Variants in TNS3 observed in about 807,000 individuals in gnomAD.
TNS3 encodes tensin 3.
In TNS3, 45 loss-of-function variants were observed where a neutral mutation model predicts 140.9. The observed-to-expected ratio is 0.32, with a 90% confidence interval of 0.25 to 0.41. TNS3 has a LOEUF of 0.41. Ranked by LOEUF, TNS3 falls within the 10% of genes least tolerant of loss-of-function variation. The probability of loss-of-function intolerance (pLI) is 1.00; values close to 1 mark genes in which losing one functional copy is unlikely to be tolerated. For missense variants in TNS3, 1,716 were observed against 1,906.7 expected (o/e 0.90, Z 1.86); for synonymous variants, 815 against 788.4 (o/e 1.03, Z -0.56).
chr7:47,527,953 G>A (rs1410830094), intron 2 of TNS3, among the ~76,000 whole-genome samples: 1 of 151,880 alleles, frequency 6.6e-6, no homozygotes, highest in Admixed American at 6.6e-5. Flanking sequence ...CCTATCAGTT[G>A]GCTCAGAGTA....
intron 10 of TNS3, among the ~76,000 whole-genome samples, chr7:47,417,859 T>A (rs570892996): frequency 6.6e-6 from 1 of 152,298 alleles, no homozygotes; most frequent in Non-Finnish European, 1.5e-5. Flanking sequence ...ACAACAAAGT[T>A]CACTGCAACT....
rs537280884 is a variant in TNS3 at position 47,399,500 on chromosome 7, T to C, written c.919+893A>G. On this transcript the variant is annotated intron_variant, in intron 15 of 30. Coordinates refer to ENST00000311160, the MANE Select transcript of TNS3 (RefSeq NM_022748.12). ...AGACACACAGATCAATGGAACAGAA[T>C]AGAGAATCCAGAAATACAACTGACT... Among the ~76,000 whole-genome samples, 4 of 152,268 alleles carry C rather than the reference T, an allele frequency of 2.6e-5. No individual in the cohort carries two copies. The South Asian group carries it at 8.3e-4, about 32-fold the overall frequency.
chr7:47,472,671 T>C (rs1368467367), intron 4 of TNS3, among the ~76,000 whole-genome samples: 3 of 152,176 alleles, frequency 2.0e-5, no homozygotes, highest in African/African-American at 4.8e-5. Context: ...AGGTGAGCCA[T>C]GGGAACAGGA....
At chr7:47,557,194 C>T (rs963393738) in intron 1 of TNS3, 8 of 453,818 alleles carry the variant, frequency 1.8e-5, no homozygotes, top group African/African-American at 8.0e-5. Context: ...ACCAACAGTG[C>T]GTCTGGGAAA....
chr7:47,413,321 G>A (rs567620631), intron 12 of TNS3, among the ~76,000 whole-genome samples: 16 of 137,014 alleles, frequency 1.2e-4, no homozygotes, highest in Admixed American at 2.4e-4. Flanking sequence ...GTGTGATCTC[G>A]GCTCACTGCA....
chr7:47,476,545 T>TA (rs972962494), intron 4 of TNS3, among the ~76,000 whole-genome samples: 2 of 152,182 alleles, frequency 1.3e-5, no homozygotes, highest in African/African-American at 4.8e-5. Flanking sequence ...ATTGTCCCTT[T>TA]ATAGTTCTAA....
chr7:47,305,180 C>G (rs1025857966), intron 20 of TNS3, among the ~76,000 whole-genome samples, 177 bp from the exon 21 acceptor site: 2 of 152,234 alleles, frequency 1.3e-5, no homozygotes, highest in Non-Finnish European at 2.9e-5. Flanking sequence ...GCGGCCAGCC[C>G]TGCACCCACA....
At chr7:47,294,506 T>C (rs886375652) in intron 24 of TNS3, among the ~76,000 whole-genome samples, 3 of 152,218 alleles carry the variant, frequency 2.0e-5, no homozygotes, top group African/African-American at 7.2e-5. Flanking sequence ...GTCACTGCCC[T>C]ATGCTAATGA....
At chr7:47,492,087 G>A (rs988107944) in intron 3 of TNS3, among the ~76,000 whole-genome samples, 1 of 152,224 alleles carries the variant, frequency 6.6e-6, no homozygotes, top group Admixed American at 6.5e-5. Flanking sequence ...CCTACTGAGT[G>A]GGGACCTTAA....
intron 1 of TNS3, among the ~76,000 whole-genome samples, chr7:47,547,207 C>T (rs1359916872): frequency 2.6e-5 from 4 of 151,978 alleles, no homozygotes; most frequent in Admixed American, 2.6e-4. Context: ...TGGGCCTTGA[C>T]CAAAACAGGT....
chr7:47,560,052 T>G (rs1800292346), intron 1 of TNS3, among the ~76,000 whole-genome samples: 1 of 152,070 alleles, frequency 6.6e-6, no homozygotes, highest in Non-Finnish European at 1.5e-5. Flanking sequence ...GGGTCTCCCT[T>G]TGCAGCCCAC....
chr7:47,483,975 C>A (rs1164387673), intron 3 of TNS3, among the ~76,000 whole-genome samples: 1 of 152,240 alleles, frequency 6.6e-6, no homozygotes, highest in Non-Finnish European at 1.5e-5. Flanking sequence ...ATAGAAACTG[C>A]ATAAAATGAA....
At chr7:47,289,310 A>T (rs7790819) in intron 27 of TNS3, among the ~76,000 whole-genome samples, 57,476 of 152,072 alleles carry the variant, frequency 0.38, 11,384 homozygotes, top group Non-Finnish European at 0.44. Flanking sequence ...TCCCTCCCCA[A>T]CATTTCTGAC....
intron 6 of TNS3, among the ~76,000 whole-genome samples, chr7:47,439,063 C>G (rs1305343322): frequency 6.6e-6 from 1 of 152,208 alleles, no homozygotes; most frequent in Non-Finnish European, 1.5e-5. Flanking sequence ...CTCCTTGTCT[C>G]CAGGGCAGCC....
chr7:47,332,471 C>A (rs140169813), intron 20 of TNS3, among the ~76,000 whole-genome samples: 2 of 152,282 alleles, frequency 1.3e-5, no homozygotes, highest in Admixed American at 1.3e-4. Flanking sequence ...GGCTCAGGCC[C>A]GAGCTGTGGA....
chr7:47,444,275 C>T (rs1262807923), intron 4 of TNS3, among the ~76,000 whole-genome samples: 2 of 152,186 alleles, frequency 1.3e-5, no homozygotes, highest in African/African-American at 4.8e-5. Context: ...CACCAGACCA[C>T]GCATCCAAAA....
chr7:47,448,623 G>A (rs1249640956), intron 4 of TNS3, among the ~76,000 whole-genome samples: 1 of 151,868 alleles, frequency 6.6e-6, no homozygotes, highest in Non-Finnish European at 1.5e-5. Flanking sequence ...AGGATTATAA[G>A]CACCCACCAA....
intron 4 of TNS3, among the ~76,000 whole-genome samples, chr7:47,446,593 T>TAAGAGA (rs370439993): frequency 4.1e-5 from 6 of 148,104 alleles, no homozygotes; most frequent in Admixed American, 6.8e-5. Context: ...AACACCCAAA[T>TAAGAGA]AAGAGAAAGA....
chr7:47,299,924 G>A (rs549302514), intron 23 of TNS3, among the ~76,000 whole-genome samples: 2 of 152,170 alleles, frequency 1.3e-5, no homozygotes, highest in South Asian at 2.1e-4. Flanking sequence ...TCACACTGTC[G>A]CGCCCTGCAT....
Sources: gnomAD v4.1 joint callset for allele counts (sites outside exome capture counted in the v4.1 genomes callset) on GRCh38, gnomAD v4.1.1 for gene constraint, MANE v1.5 for transcripts, NCBI Gene and HGNC (gene_info 2026-07-23, HGNC 2026-07-21) for gene names.